The following TLE4 variants were observed in gnomAD, a reference collection of about 807,000 sequenced individuals.
TLE4 encodes TLE family member 4, transcriptional corepressor.
A neutral mutation model predicts 92.8 loss-of-function variants in TLE4; 8 were observed. The ratio of observed to expected loss-of-function variants is 0.09; its 90% confidence interval spans 0.05 to 0.16. TLE4 has a LOEUF of 0.16. TLE4 is among the 10% of genes least tolerant of loss of function. The pLI, the probability that TLE4 is intolerant of heterozygous loss-of-function variation, is 1.00. For missense variants in TLE4, 675 were observed against 997.6 expected, an observed-to-expected ratio of 0.68 and a Z score of 4.36; for synonymous variants, 371 against 374.1, an observed-to-expected ratio of 0.99 and a Z score of 0.10.
chr9:79,592,604 G>T (rs2042985569), intron 4 of TLE4, among the ~76,000 whole-genome samples: 1 of 152,036 alleles, frequency 6.6e-6, no homozygotes, highest in East Asian at 1.9e-4. Context: ...CTGTCATTTT[G>T]CTCGGTTACT....
intron 8 of TLE4, among the ~76,000 whole-genome samples, chr9:79,698,069 C>T (rs2068753187): frequency 6.6e-6 from 1 of 152,132 alleles, no homozygotes; most frequent in Admixed American, 6.6e-5. Flanking sequence ...GTACTAGATG[C>T]TAGGTTGAAT....
intron 4 of TLE4, among the ~76,000 whole-genome samples, chr9:79,606,362 A>AGT (rs1230290741): frequency 1.5e-4 from 18 of 122,450 alleles, no homozygotes; most frequent in Non-Finnish European, 2.4e-4. Flanking sequence ...ACCTAAGATT[A>AGT]GTGTGTGTGT....
At chr9:79,647,903 A>G (rs2058341241) in intron 6 of TLE4, among the ~76,000 whole-genome samples, 1 of 152,010 alleles carries the variant, frequency 6.6e-6, no homozygotes, top group African/African-American at 2.4e-5. Flanking sequence ...GGATGTCTCC[A>G]CCGAGAAAGT....
In TLE4 at chr9:79,708,589, G is replaced by T. The variant is rs201292253; in HGVS notation, c.1070-4G>T. The T allele has an allele frequency of 5.6e-6, 9 of 1,605,068 alleles. No individual in the cohort carries two copies. The highest frequency in any genetic ancestry group is 7.7e-6 in the Non-Finnish European group (9 of 1,175,064). ...ATTTTTCTTCCATCCATTTTGGTTT[G>T]CAGCCTCAAGCCTAAGGACCCCAAT... On this transcript the variant is annotated splice_region_variant and splice_polypyrimidine_tract_variant and intron_variant, in intron 12 of 19. Coordinates refer to ENST00000376552, the MANE Select transcript of TLE4 (RefSeq NM_007005.6).
At chr9:79,691,860 T>C (rs1301712608) in intron 8 of TLE4, among the ~76,000 whole-genome samples, 1 of 152,160 alleles carries the variant, frequency 6.6e-6, no homozygotes, top group Non-Finnish European at 1.5e-5. Flanking sequence ...TTCGCATTTA[T>C]TTTATTTTTT....
At chr9:79,644,098 G>A (rs540991667) in intron 6 of TLE4, among the ~76,000 whole-genome samples, 1 of 152,200 alleles carries the variant, frequency 6.6e-6, no homozygotes, top group African/African-American at 2.4e-5. Context: ...CATATGTGGT[G>A]GGAGGGATCT....
intron 8 of TLE4, among the ~76,000 whole-genome samples, chr9:79,688,037 C>T (rs1396187227): frequency 6.6e-6 from 1 of 151,832 alleles, no homozygotes; most frequent in South Asian, 2.1e-4. Flanking sequence ...GTCCCTCCCA[C>T]CTAAAGATGA....
intron 6 of TLE4, among the ~76,000 whole-genome samples, chr9:79,631,370 C>G (rs1311618414): frequency 6.6e-6 from 1 of 152,156 alleles, no homozygotes; most frequent in Non-Finnish European, 1.5e-5. Context: ...GGATTTAAAT[C>G]TCTTTCCTCT....
At chr9:79,590,936 C>A (rs2042384518) in intron 4 of TLE4, among the ~76,000 whole-genome samples, 1 of 152,202 alleles carries the variant, frequency 6.6e-6, no homozygotes, top group Non-Finnish European at 1.5e-5. Flanking sequence ...ACTTAATCTT[C>A]ATGAGATTGT....
At chr9:79,637,880 G>C (rs1242635549) in intron 6 of TLE4, among the ~76,000 whole-genome samples, 1 of 152,038 alleles carries the variant, frequency 6.6e-6, no homozygotes, top group Non-Finnish European at 1.5e-5. Context: ...AGAGGAGTAT[G>C]TATAGTTTTT....
At chr9:79,576,345 C>T in intron 4 of TLE4, 168 bp downstream of exon 4, 1 of 403,692 alleles carries the variant, frequency 2.5e-6, no homozygotes, top group Non-Finnish European at 4.5e-6. Flanking sequence ...CCCCATCTTT[C>T]TTTCATATTA....
chr9:79,647,749 G>A (rs1234923532), intron 6 of TLE4, among the ~76,000 whole-genome samples: 3 of 151,994 alleles, frequency 2.0e-5, no homozygotes, highest in African/African-American at 7.3e-5. Flanking sequence ...ACACAGACTT[G>A]TGCACACACA....
At chr9:79,627,494 A>C in intron 6 of TLE4, 46 bp downstream of exon 6, 1 of 1,574,308 alleles carries the variant, frequency 6.4e-7, no homozygotes, top group Non-Finnish European at 8.7e-7. Context: ...GTTTGTCATC[A>C]GCTCTCTCGC....
chr9:79,688,160 C>T (rs751345699), intron 8 of TLE4, among the ~76,000 whole-genome samples: 3 of 152,132 alleles, frequency 2.0e-5, no homozygotes, highest in Non-Finnish European at 2.9e-5. Flanking sequence ...CAGTATACTT[C>T]GTGCTGTCCT....
intron 8 of TLE4, chr9:79,663,309 T>A (rs1031599341): frequency 6.6e-6 from 1 of 152,246 alleles, no homozygotes; most frequent in African/African-American, 2.4e-5. Context: ...CCCTGTCCAA[T>A]ATGGTGTAGC....
In TLE4 at chr9:79,592,110, CT is replaced by C. The variant is rs149152187; in HGVS notation, c.252+15936del. Among the ~76,000 whole-genome samples the C allele has an allele frequency of 4.7e-3, 647 of 138,460 alleles. 9 individuals carry two copies. The highest frequency in any genetic ancestry group is 0.016 in the African/African-American group (613 of 38,356). The allele number at this position is 138,460 out of a possible 152,430, so 90.8% of individuals were successfully genotyped here. A position where few individuals can be genotyped will look rare whatever the true frequency, so the allele number is the denominator to read the frequency against. ...AAGAGAGTTTCTTCTTCTTCTTCTT[CT>C]TTCTTCTTTCTTCTTTCTTCTTCTT... On this transcript the variant is annotated intron_variant, in intron 4 of 19. Coordinates refer to ENST00000376552, the MANE Select transcript of TLE4 (RefSeq NM_007005.6).
At chr9:79,716,314 T>C (rs1167109955) in intron 14 of TLE4, among the ~76,000 whole-genome samples, 1 of 152,220 alleles carries the variant, frequency 6.6e-6, no homozygotes, top group African/African-American at 2.4e-5. Context: ...GTAAGGCCTG[T>C]GTCATTCCTT....
intron 4 of TLE4, among the ~76,000 whole-genome samples, chr9:79,599,021 A>G (rs2044851441): frequency 6.6e-6 from 1 of 152,028 alleles, no homozygotes; most frequent in Non-Finnish European, 1.5e-5. Context: ...TTCATCCTCC[A>G]TCTTTCCTCT....
Position 79,632,927 on chromosome 9 carries a change from C to G in TLE4, c.390+5479C>G, listed in dbSNP as rs188771113. 1.8e-3 allele frequency among the ~76,000 whole-genome samples: 278 copies of G among 152,252 alleles called. 2 individuals are homozygous for G. Among genetic ancestry groups the G allele is most frequent in the African/African-American group, 6.5e-3 (272 of 41,554 alleles). ...GGGGGAAGGGGCTGGCTTGAAGATG[C>G]ACTCACTTGGAGGGCTTTACTCACC... On this transcript the variant is annotated intron_variant, in intron 6 of 19. Transcript: ENST00000376552.
Sources: gnomAD v4.1 joint callset for allele counts (sites outside exome capture counted in the v4.1 genomes callset) on GRCh38, gnomAD v4.1.1 for gene constraint, MANE v1.5 for transcripts, NCBI Gene and HGNC (gene_info 2026-07-23, HGNC 2026-07-21) for gene names.